Variants in GPAT4 observed in about 807,000 individuals in gnomAD.
The protein encoded by GPAT4 is 1-AGP acyltransferase 6.
In GPAT4, 17 loss-of-function variants were observed where a neutral mutation model predicts 58.0. The observed-to-expected ratio is 0.29, with a 90% CI of 0.20 to 0.44. The LOEUF (loss-of-function observed/expected upper bound fraction) is 0.44, where lower values mean the gene tolerates loss of function less well. Among genes scored for constraint, GPAT4 ranks in the 20% least tolerant of loss-of-function variants. The pLI is 1.00. For synonymous variants in GPAT4, 204 were observed against 210.1 expected, an observed-to-expected ratio of 0.97 and a Z score of 0.25; for missense variants, 377 against 574.5, an observed-to-expected ratio of 0.66 and a Z score of 3.51.
chr8:41,584,487 A>G (rs1478933159), intron 1 of GPAT4, among the ~76,000 whole-genome samples: 1 of 152,208 alleles, frequency 6.6e-6, no homozygotes, highest in Non-Finnish European at 1.5e-5. Context: ...ATCAAGAGGA[A>G]TAAACTGTTG....
chr8:41,581,032 C>T (rs918341094), intron 1 of GPAT4, among the ~76,000 whole-genome samples: 2 of 152,190 alleles, frequency 1.3e-5, no homozygotes, highest in Admixed American at 6.5e-5. Flanking sequence ...AACTGTACTG[C>T]AGAATTGTTT....
At chr8:41,616,369 T>C (rs1585676146) in intron 10 of GPAT4, among the ~76,000 whole-genome samples, 1 of 152,336 alleles carries the variant, frequency 6.6e-6, no homozygotes, top group African/African-American at 2.4e-5. Flanking sequence ...CAATCATGAC[T>C]CATGCAACCT....
At chr8:41,610,022 T>A (rs1294189463) in intron 4 of GPAT4, 67 bp downstream of exon 4, 1 of 1,530,916 alleles carries the variant, frequency 6.5e-7, no homozygotes, top group African/African-American at 1.4e-5. Context: ...CCCACCTGCC[T>A]GCTCTGCTGT....
At chr8:41,591,658 A>T (rs903425021) in intron 1 of GPAT4, among the ~76,000 whole-genome samples, 1 of 152,232 alleles carries the variant, frequency 6.6e-6, no homozygotes, top group Admixed American at 6.5e-5. Context: ...TGTAACTCCT[A>T]TTATAAGAGT....
chr8:41,579,706 C>G (rs1802460233), intron 1 of GPAT4, among the ~76,000 whole-genome samples: 1 of 152,076 alleles, frequency 6.6e-6, no homozygotes. Context: ...GACGTGGTGG[C>G]AAGTACTTGT....
intron 2 of GPAT4, among the ~76,000 whole-genome samples, chr8:41,607,626 C>T (rs891158890): frequency 6.6e-6 from 1 of 151,554 alleles, no homozygotes; most frequent in Non-Finnish European, 1.5e-5. Flanking sequence ...GCAGCCTCAA[C>T]GTCCCCTGGC....
chr8:41,612,385 C>G, intron 7 of GPAT4, 112 bp downstream of exon 7: 1 of 1,033,784 alleles, frequency 9.7e-7, no homozygotes, highest in East Asian at 2.4e-5. Context: ...GGGCCAGGCC[C>G]CCACCTTACT....
rs748274775 is a variant in GPAT4, at chr8:41,618,719, C to T, written c.1089C>T (p.Ser363=). Reference sequence around the variant, plus strand: ...AATTTGGCGATGCCTTCTGGAACAGCAGCAAATACGGGATGGTGACGTACC... The same window carrying T: ...AATTTGGCGATGCCTTCTGGAACAGTAGCAAATACGGGATGGTGACGTACC... ...DPQFGDAFWN[S]SKYGMVTYLL... The change falls in exon 11 of 13, where the codon AGC becomes AGT. Residue 363 remains serine, a synonymous_variant. Coordinates refer to ENST00000396987, the MANE Select transcript of GPAT4 (RefSeq NM_178819.4). 6.2e-6 allele frequency: 10 copies of T among 1,614,232 alleles called. No individual in the cohort carries two copies. In the East Asian group the frequency reaches 1.6e-4, roughly 25 times the overall value.
At chr8:41,618,233 T>C (rs1803649568) in intron 10 of GPAT4, among the ~76,000 whole-genome samples, 1 of 152,102 alleles carries the variant, frequency 6.6e-6, no homozygotes, top group African/African-American at 2.4e-5. Flanking sequence ...AAAATATCTT[T>C]ATTTGGGGGA....
chr8:41,586,144 AT>A (rs1381730929), intron 1 of GPAT4, among the ~76,000 whole-genome samples: 1 of 152,114 alleles, frequency 6.6e-6, no homozygotes, highest in East Asian at 1.9e-4. Flanking sequence ...GTCTGTGTAG[AT>A]TTGCCTATTT....
intron 12 of GPAT4, among the ~76,000 whole-genome samples, chr8:41,620,142 G>A (rs572089729): frequency 6.6e-6 from 1 of 152,328 alleles, no homozygotes; most frequent in Non-Finnish European, 1.5e-5. Flanking sequence ...CTATGCCTTT[G>A]CTATGGATTT....
intron 4 of GPAT4, chr8:41,610,370 C>A: frequency 8.2e-7 from 1 of 1,225,826 alleles, no homozygotes; most frequent in Non-Finnish European, 1.0e-6. Context: ...TCAAGCTCCA[C>A]CTCCTGTTGC....
At chr8:41,614,843 G>T (rs1363962321) in intron 9 of GPAT4, 120 bp from the exon 10 acceptor site, 2 of 776,360 alleles carry the variant, frequency 2.6e-6, no homozygotes, top group Non-Finnish European at 4.2e-6. Flanking sequence ...GATGACAGAT[G>T]TATCTTACTG....
chr8:41,597,909 A>G (rs1423170830), intron 1 of GPAT4, among the ~76,000 whole-genome samples: 3 of 152,266 alleles, frequency 2.0e-5, no homozygotes, highest in Non-Finnish European at 4.4e-5. Flanking sequence ...TGGGAAGAAT[A>G]CAAAGGTGGT....
At chr8:41,616,636 G>A (rs1038602815) in intron 10 of GPAT4, among the ~76,000 whole-genome samples, 3 of 152,122 alleles carry the variant, frequency 2.0e-5, no homozygotes, top group Non-Finnish European at 4.4e-5. Flanking sequence ...GGCATTGATG[G>A]TGCCAGTTGG....
chr8:41,597,367 A>C (rs892891694), intron 1 of GPAT4, among the ~76,000 whole-genome samples: 7 of 152,230 alleles, frequency 4.6e-5, no homozygotes, highest in Admixed American at 2.6e-4. Context: ...GGATACTCCC[A>C]AGTTCAGGGA....
chr8:41,613,236 A>G (rs913823901), intron 8 of GPAT4, among the ~76,000 whole-genome samples: 17 of 152,086 alleles, frequency 1.1e-4, no homozygotes, highest in African/African-American at 4.1e-4. Flanking sequence ...AAAATACTAA[A>G]AATGCAAAAA....
chr8:41,580,815 G>A (rs1802490733), intron 1 of GPAT4, among the ~76,000 whole-genome samples: 1 of 152,184 alleles, frequency 6.6e-6, no homozygotes, highest in Non-Finnish European at 1.5e-5. Context: ...GAGGGAGGAG[G>A]AGGCAACTGT....
rs762266933 is a variant in GPAT4 at position 41,599,227 on chromosome 8, A to G, written c.88A>G (p.Ile30Val). 6.2e-7 allele frequency: 1 copy of G among 1,614,036 alleles called. No individual in the cohort carries two copies. The highest frequency in any genetic ancestry group is 8.5e-7 in the Non-Finnish European group (1 of 1,179,992). Residue 30 changes from isoleucine (I) to valine (V), a missense_variant, in exon 2 of 13, where the codon ATC (isoleucine) becomes GTC (valine). Ile to Val is a conservative substitution (Grantham distance 29). Coordinates refer to ENST00000396987, the MANE Select transcript of GPAT4 (RefSeq NM_178819.4). ...CCTCTTCACCCTCCTTCTCGTTTTCATCATAGTGCCAGCCATTTTTGGAGT... is the reference window on the plus strand; with the variant it reads ...CCTCTTCACCCTCCTTCTCGTTTTCGTCATAGTGCCAGCCATTTTTGGAGT... ...TVLFTLLLVF[I>V]IVPAIFGVSF...
Sources: allele counts gnomAD v4.1 joint callset (sites outside exome capture counted in the v4.1 genomes callset), GRCh38; gene constraint gnomAD v4.1.1; transcripts MANE v1.5; gene names NCBI Gene and HGNC (gene_info 2026-07-23, HGNC 2026-07-21).